HFM1: variants seen among roughly 807,000 people sequenced by gnomAD.
HFM1 encodes helicase for meiosis 1, also known as probable ATP-dependent DNA helicase HFM1.
HFM1 carries 169 observed loss-of-function variants against 192.1 expected under a neutral mutation model. The ratio of observed to expected loss-of-function variants is 0.88; its 90% confidence interval spans 0.78 to 1.00. The LOEUF is 1.00. Ranked by LOEUF, HFM1 falls within the 50% of genes least tolerant of loss-of-function variation. The probability of loss-of-function intolerance (pLI) is 0.00; values close to 1 mark genes in which losing one functional copy is unlikely to be tolerated. For missense variants in HFM1, 1,661 were observed against 1,668.0 expected, an observed-to-expected ratio of 1.00 and a Z score of 0.07; for synonymous variants, 525 against 537.8, an observed-to-expected ratio of 0.98 and a Z score of 0.33.
Position 91,375,406 on chromosome 1 carries a change from A to G in HFM1, c.1637T>C (p.Val546Ala), listed in dbSNP as rs202230352. The G allele has an allele frequency of 7.3e-5, 117 of 1,613,060 alleles. No individual in the cohort carries two copies. Among genetic ancestry groups the G allele is most frequent in the South Asian group, 3.3e-4 (30 of 91,038 alleles). Residue 546 changes from valine (V) to alanine (A), a missense_variant, in exon 13 of 39, where the codon GTT (valine) becomes GCT (alanine). Transcript: ENST00000370425. ...TRKGVQQAAS[V>A]LVKDAKFIMT... ...AATAAATTTAGCATCTTTCACAAGA[A>G]CAGAAGCAGCCTGTTGCACACCCTT...
chr1:91,272,440 G>T (rs1308915731), intron 34 of HFM1, among the ~76,000 whole-genome samples: 5 of 151,972 alleles, frequency 3.3e-5, no homozygotes, highest in Non-Finnish European at 7.4e-5. Context: ...GTATCTAGAT[G>T]AGACTTTAAT....
chr1:91,336,894 T>C (rs570649851), intron 20 of HFM1, among the ~76,000 whole-genome samples: 13 of 152,330 alleles, frequency 8.5e-5, no homozygotes, highest in Middle Eastern at 3.4e-3. Flanking sequence ...TGGGATACTA[T>C]GCAGCCATGA....
chr1:91,331,538 A>T (rs1350819210), intron 20 of HFM1, among the ~76,000 whole-genome samples: 1 of 152,328 alleles, frequency 6.6e-6, no homozygotes, highest in East Asian at 1.9e-4. Context: ...CATTTATAAT[A>T]GCCACAATTA....
intron 13 of HFM1, among the ~76,000 whole-genome samples, chr1:91,353,965 C>T (rs1657362152): frequency 6.8e-6 from 1 of 147,262 alleles, no homozygotes; most frequent in Non-Finnish European, 1.5e-5. Flanking sequence ...AAATACACCA[C>T]CAACAAAGGA....
At chr1:91,336,866 C>T (rs1654649457) in intron 20 of HFM1, among the ~76,000 whole-genome samples, 2 of 152,062 alleles carry the variant, frequency 1.3e-5, no homozygotes, top group South Asian at 2.1e-4. Context: ...ATAAAGAAAA[C>T]GTGGTACACA....
At position 91,380,134 on chromosome 1, in the gene HFM1, A is replaced by G. The variant is rs1356284221; in HGVS notation, c.976T>C (p.Leu326=). 6.9e-7 allele frequency: 1 copy of G among 1,448,664 alleles called. No homozygotes were observed. Among genetic ancestry groups the G allele is most frequent in the Admixed American group, 1.9e-5 (1 of 52,188 alleles). 89.7% of individuals were successfully genotyped at this position (1,448,664 alleles called of 1,614,324 possible). Residue 326 remains leucine (L), a synonymous_variant, in exon 8 of 39, where the codon TTG becomes CTG. Transcript: ENST00000370425. ...ACAATTTTAATATTCAACCATGGCAATGGTACTTCCATTAACAATCTTGTT... is the reference window on the plus strand; with the variant it reads ...ACAATTTTAATATTCAACCATGGCAGTGGTACTTCCATTAACAATCTTGTT... ...AITRLLMEVP[L]PWLNIKIVYM...
At chr1:91,320,441 T>C (rs1209304501) in intron 23 of HFM1, among the ~76,000 whole-genome samples, 1 of 152,114 alleles carries the variant, frequency 6.6e-6, no homozygotes, top group Non-Finnish European at 1.5e-5. Context: ...AAGGAACTGA[T>C]GGAAAAATGT....
intron 30 of HFM1, among the ~76,000 whole-genome samples, chr1:91,288,965 C>T (rs1241202350): frequency 1.3e-5 from 2 of 149,430 alleles, no homozygotes; most frequent in Non-Finnish European, 3.0e-5. Context: ...GGCAGAGGCG[C>T]CCCCCACCTC....
chr1:91,358,337 T>C (rs1012276575), intron 13 of HFM1, among the ~76,000 whole-genome samples: 2 of 152,010 alleles, frequency 1.3e-5, no homozygotes, highest in Admixed American at 6.6e-5. Context: ...AAACCCTGGA[T>C]AGTGACAGCA....
At chr1:91,377,861 T>C in intron 11 of HFM1, 164 bp downstream of exon 11, 1 of 627,246 alleles carries the variant, frequency 1.6e-6, no homozygotes, top group Non-Finnish European at 2.8e-6. Flanking sequence ...CCAAATTTTA[T>C]GGCCTTAATA....
At chr1:91,386,207 C>T (rs1056171980) in intron 4 of HFM1, among the ~76,000 whole-genome samples, 4 of 152,154 alleles carry the variant, frequency 2.6e-5, no homozygotes, top group African/African-American at 9.7e-5. Context: ...AAAGACATTG[C>T]CCCTTCCCCA....
intron 4 of HFM1, among the ~76,000 whole-genome samples, chr1:91,387,381 C>G (rs1011022949): frequency 1.1e-4 from 17 of 151,220 alleles, no homozygotes; most frequent in African/African-American, 4.1e-4. Context: ...ACTTTTCTGA[C>G]ACCTCCTGCT....
upstream of HFM1, among the ~76,000 whole-genome samples, chr1:91,405,346 G>A (rs926231646): frequency 3.9e-5 from 6 of 152,180 alleles, no homozygotes; most frequent in Admixed American, 3.3e-4. Context: ...GTGTTCTTAG[G>A]CTGTAAACAT....
chr1:91,385,038 C>T (rs1360716187), intron 6 of HFM1, 149 bp downstream of exon 6: 2 of 563,204 alleles, frequency 3.6e-6, no homozygotes, highest in South Asian at 2.7e-5. Flanking sequence ...CCACCGCACC[C>T]GGCCACATGT....
chr1:91,353,145 T>A lies in HFM1; in HGVS notation c.1737A>T (p.Leu579Phe). 6.2e-7 allele frequency: 1 copy of A among 1,607,402 alleles called. No homozygotes were observed. The highest frequency in any genetic ancestry group is 1.1e-5 in the South Asian group (1 of 90,662). Reference protein sequence around the residue: ...SVRDSKLRDILKDGAAYHHAG... With the variant: ...SVRDSKLRDIFKDGAAYHHAG... ...CATGATGATAAGCAGCACCATCTTT[T>A]AAGATATCTGTAATAGAAATATATC... The change falls in exon 15 of 39, where the codon TTA becomes TTT. Residue 579 changes from leucine (L) to phenylalanine (F), a missense_variant. By Grantham distance (22) the Leu-to-Phe change is conservative. Transcript: ENST00000370425.
intron 26 of HFM1, 89 bp downstream of exon 26, chr1:91,316,302 T>C (rs1651211773): frequency 9.8e-7 from 1 of 1,016,104 alleles, no homozygotes; most frequent in Non-Finnish European, 1.5e-6. Flanking sequence ...TTGAAATACT[T>C]ATAACTATGA....
In HFM1 at chr1:91,315,950, G is replaced by A. The variant is rs148381777; in HGVS notation, c.3005C>T (p.Thr1002Met). Residue 1002 changes from threonine to methionine, a missense_variant, in exon 28 of 39, where the codon ACG becomes ATG. Coordinates refer to ENST00000370425, the MANE Select transcript of HFM1 (RefSeq NM_001017975.6). ...VEQITRYSDT[T>M]AEILVTVILR... is the part of the protein sequence containing the mutation. ...TATAACAGTCACTAATATTTCTGCC[G>A]TCGTATCACTATATCTTGTAATCTT... 1.1e-4 allele frequency: 174 copies of A among 1,589,756 alleles called. No individual in the cohort carries two copies. The African/African-American group carries it at 1.2e-3, about 11-fold the overall frequency.
intron 34 of HFM1, 43 bp from the exon 35 acceptor site, chr1:91,267,898 G>A: frequency 9.6e-7 from 1 of 1,044,390 alleles, no homozygotes; most frequent in Non-Finnish European, 1.4e-6. Flanking sequence ...GTCAAATGTT[G>A]GTTTCCAGAT....
intron 34 of HFM1, among the ~76,000 whole-genome samples, chr1:91,270,511 T>G (rs78090833): frequency 2.7e-4 from 41 of 150,994 alleles, no homozygotes; most frequent in South Asian, 1.9e-3. Flanking sequence ...CAAAACATAG[T>G]CAGTGATTAA....
Sources: allele counts gnomAD v4.1 joint callset (sites outside exome capture counted in the v4.1 genomes callset), GRCh38; gene constraint gnomAD v4.1.1; transcripts MANE v1.5; gene names NCBI Gene and HGNC (gene_info 2026-07-23, HGNC 2026-07-21).